The following SLC4A4 variants were observed in gnomAD, a reference collection of about 807,000 sequenced individuals.
The protein encoded by SLC4A4 is electrogenic sodium bicarbonate cotransporter 1.
In SLC4A4, 27 loss-of-function variants were observed where a neutral mutation model predicts 111.5. The ratio of observed to expected loss-of-function variants is 0.24; its 90% CI spans 0.18 to 0.33. The LOEUF (loss-of-function observed/expected upper bound fraction) is 0.33. SLC4A4 is among the 10% of genes least tolerant of loss of function. The pLI is 1.00. For missense variants in SLC4A4, 909 were observed against 1,315.5 expected (o/e 0.69, Z 4.78); for synonymous variants, 443 against 463.4 (o/e 0.96, Z 0.57).
At position 71,356,858 on chromosome 4, in the gene SLC4A4, C is replaced by CT. The variant is rs1730329299; in HGVS notation, c.551-147dup. ...ATGCCCATATCTGTGTACCCTGTGT[C>CT]TTTATCTTTTACATAAAATGGGAAA... On this transcript the variant is annotated intron_variant, in intron 5 of 25. Coordinates refer to ENST00000264485, the MANE Select transcript of SLC4A4 (RefSeq NM_001098484.3). 65 of 703,534 alleles carry CT rather than the reference C, an allele frequency of 9.2e-5. 1 individual carries two copies. The South Asian group carries it at 1.2e-3, about 13-fold the overall frequency. The allele number at this position is 703,534 out of a possible 1,614,324, so 43.6% of individuals were successfully genotyped here. A position where few individuals can be genotyped will look rare whatever the true frequency, so the allele number is the denominator to read the frequency against.
chr4:71,478,971 A>T (rs1468292734), intron 14 of SLC4A4, among the ~76,000 whole-genome samples: 2 of 151,772 alleles, frequency 1.3e-5, no homozygotes, highest in Non-Finnish European at 2.9e-5. Flanking sequence ...TACTCAAGGC[A>T]CATTAATATT....
rs554870357 is a variant in SLC4A4 at position 71,124,522 on chromosome 4, G to A, written c.-2+31730G>A. On this transcript the variant is annotated intron_variant, in intron 2 of 26. Transcript: ENST00000649996. ...TAAGTGTTGTAAATTTTGTACATTC[G>A]TCTTTATCAGGTTTGTTGCTCTTGT... Among the ~76,000 whole-genome samples the A allele has an allele frequency of 3.3e-5, 5 of 152,168 alleles. 1 individual carries two copies. In the South Asian group the frequency reaches 6.2e-4, roughly 19 times the overall value.
At chr4:71,112,433 C>T (rs913361712) in intron 2 of SLC4A4, among the ~76,000 whole-genome samples, 1 of 152,110 alleles carries the variant, frequency 6.6e-6, no homozygotes, top group Non-Finnish European at 1.5e-5. Flanking sequence ...AGTAATTTTA[C>T]ACAATGCTTC....
chr4:71,359,815 G>A (rs1730601340), intron 6 of SLC4A4, among the ~76,000 whole-genome samples: 2 of 152,108 alleles, frequency 1.3e-5, no homozygotes, highest in Non-Finnish European at 2.9e-5. Context: ...TCCATGTAAA[G>A]CTTAGATAAA....
intron 5 of SLC4A4, among the ~76,000 whole-genome samples, chr4:71,353,366 A>C (rs76574739): frequency 0.013 from 1,995 of 152,296 alleles, 46 homozygotes; most frequent in African/African-American, 0.045. Context: ...ATACAGAAAA[A>C]CAGTTCAGGG....
chr4:71,230,110 G>A (rs1719318697), intron 1 of SLC4A4, among the ~76,000 whole-genome samples: 1 of 152,112 alleles, frequency 6.6e-6, no homozygotes, highest in Admixed American at 6.5e-5. Context: ...GTTTATAATG[G>A]AAATAGTCCC....
At chr4:71,274,711 C>G (rs1020754697) in intron 3 of SLC4A4, among the ~76,000 whole-genome samples, 3 of 152,140 alleles carry the variant, frequency 2.0e-5, no homozygotes, top group African/African-American at 7.2e-5. Flanking sequence ...GTGCCTTTTA[C>G]TAGCTCTTTG....
chr4:71,362,955 C>T (rs1730928732), intron 6 of SLC4A4, among the ~76,000 whole-genome samples: 1 of 152,170 alleles, frequency 6.6e-6, no homozygotes, highest in South Asian at 2.1e-4. Flanking sequence ...CTTCAATTTA[C>T]CACCATTTTC....
At chr4:71,516,631 T>G (rs920395618) in intron 16 of SLC4A4, among the ~76,000 whole-genome samples, 3 of 152,124 alleles carry the variant, frequency 2.0e-5, no homozygotes, top group Non-Finnish European at 4.4e-5. Flanking sequence ...CTTCTGTATT[T>G]CAGATTGCAG....
intron 1 of SLC4A4, among the ~76,000 whole-genome samples, chr4:71,225,006 T>C (rs1384107816): frequency 6.6e-6 from 1 of 152,214 alleles, no homozygotes; most frequent in African/African-American, 2.4e-5. Context: ...TCACGAAGTA[T>C]TTAGCTTAGT....
chr4:71,281,751 A>T (rs1263493508), intron 3 of SLC4A4, among the ~76,000 whole-genome samples: 1 of 152,220 alleles, frequency 6.6e-6, no homozygotes, highest in Admixed American at 6.5e-5. Flanking sequence ...CTAATGCTAC[A>T]GTGGGTTATT....
chr4:71,472,654 G>A, intron 13 of SLC4A4, 45 bp from the exon 14 acceptor site: 5 of 1,584,984 alleles, frequency 3.2e-6, no homozygotes, highest in Non-Finnish European at 4.3e-6. Flanking sequence ...TATTCTTTGT[G>A]TTCCAAGGAG....
At chr4:71,232,695 G>A (rs973816320) in intron 1 of SLC4A4, among the ~76,000 whole-genome samples, 1 of 152,214 alleles carries the variant, frequency 6.6e-6, no homozygotes. Context: ...TACAGGCTGA[G>A]CCACTGTGTC....
intron 1 of SLC4A4, among the ~76,000 whole-genome samples, chr4:71,084,572 A>C (rs1742099842): frequency 6.6e-6 from 1 of 151,730 alleles, no homozygotes. Context: ...ACTGCACAAC[A>C]GGCCCCGGTG....
At chr4:71,268,075 G>GTTT (rs10657146) in intron 3 of SLC4A4, among the ~76,000 whole-genome samples, 12,223 of 87,334 alleles carry the variant, frequency 0.14, 2,327 homozygotes, top group Admixed American at 0.24. Flanking sequence ...ATAAAGTAGT[G>GTTT]TTTTTTTTTT....
At chr4:71,277,039 G>A (rs1005809313) in intron 3 of SLC4A4, among the ~76,000 whole-genome samples, 7 of 152,222 alleles carry the variant, frequency 4.6e-5, no homozygotes, top group East Asian at 3.9e-4. Context: ...ATGAGACCCT[G>A]TCTCAAACAA....
chr4:71,252,235 T>G (rs1721115332), intron 2 of SLC4A4, among the ~76,000 whole-genome samples: 1 of 152,200 alleles, frequency 6.6e-6, no homozygotes, highest in Admixed American at 6.5e-5. Flanking sequence ...TACAGCTCAT[T>G]TTACTTTCGG....
chr4:71,177,730 T>G (rs370679412), intron 2 of SLC4A4, among the ~76,000 whole-genome samples: 10 of 152,050 alleles, frequency 6.6e-5, no homozygotes, highest in East Asian at 1.9e-4. Flanking sequence ...AATAATAATG[T>G]GAGACTTTAA....
intron 3 of SLC4A4, among the ~76,000 whole-genome samples, chr4:71,324,829 A>G (rs1355940246): frequency 6.6e-6 from 1 of 151,988 alleles, no homozygotes; most frequent in East Asian, 1.9e-4. Flanking sequence ...AGTAAACTCT[A>G]GTTTTTATCA....
Sources: gnomAD v4.1 joint callset for allele counts (sites outside exome capture counted in the v4.1 genomes callset) on GRCh38, gnomAD v4.1.1 for gene constraint, MANE v1.5 for transcripts, NCBI Gene and HGNC (gene_info 2026-07-23, HGNC 2026-07-21) for gene names.